The following RALYL variants were observed in gnomAD, a reference collection of about 807,000 sequenced individuals.
RALYL encodes the protein RNA-binding Raly-like protein.
Under a neutral mutation model 35.1 loss-of-function variants are expected in RALYL, and 29 were observed. The observed-to-expected ratio is 0.83, with a 90% CI of 0.61 to 1.13. The LOEUF is 1.13. RALYL is among the 50% of genes most tolerant of loss of function. RALYL has a pLI of 0.00. For synonymous variants in RALYL, 120 were observed against 127.6 expected (o/e 0.94, Z 0.40); for missense variants, 359 against 360.4 (o/e 1.00, Z 0.03).
At chr8:84,363,782 T>C (rs1457496257) in intron 1 of RALYL, among the ~76,000 whole-genome samples, 3 of 152,152 alleles carry the variant, frequency 2.0e-5, no homozygotes, top group Admixed American at 2.0e-4. Context: ...TTCATCTCCC[T>C]GAACCCTGCA....
chr8:84,425,795 G>A (rs1324498038), intron 1 of RALYL, among the ~76,000 whole-genome samples: 7 of 151,104 alleles, frequency 4.6e-5, no homozygotes, highest in East Asian at 3.9e-4. Context: ...GTGTGTGTGT[G>A]TGTGTGTGTG....
At chr8:84,789,639 C>G (rs1270467808) in intron 3 of RALYL, among the ~76,000 whole-genome samples, 1 of 152,136 alleles carries the variant, frequency 6.6e-6, no homozygotes, top group Non-Finnish European at 1.5e-5. Flanking sequence ...AGGCAGATTA[C>G]TTGAGCCCAG....
intron 1 of RALYL, among the ~76,000 whole-genome samples, chr8:84,351,945 G>A (rs1490730391): frequency 6.7e-6 from 1 of 150,182 alleles, no homozygotes; most frequent in Non-Finnish European, 1.5e-5. Flanking sequence ...AAGGTGACCT[G>A]GAGAGGTTAA....
rs73294938 is a variant in RALYL at position 84,357,434 on chromosome 8, A to G, written c.-23-171865A>G. On this transcript the variant is annotated intron_variant, in intron 1 of 8. Coordinates refer to ENST00000521268, the MANE Select transcript of RALYL (RefSeq NM_173848.7). ...TTACTCTGTAATAATTTCTCATTAT[A>G]TGCCAAGCCCTAAAAGAATCTAATG... 9.1e-3 allele frequency among the ~76,000 whole-genome samples: 1,389 copies of G among 152,132 alleles called. 31 individuals are homozygous for G. Among genetic ancestry groups the G allele is most frequent in the African/African-American group, 0.031 (1,301 of 41,556 alleles).
intron 2 of RALYL, among the ~76,000 whole-genome samples, chr8:84,615,796 C>A (rs1459782544): frequency 3.3e-5 from 4 of 122,344 alleles, no homozygotes; most frequent in Non-Finnish European, 6.6e-5. Context: ...CTTCCTGTGT[C>A]CATGTGATCT....
intron 2 of RALYL, among the ~76,000 whole-genome samples, chr8:84,748,274 A>G (rs1809136119): frequency 1.3e-5 from 2 of 152,016 alleles, no homozygotes; most frequent in African/African-American, 4.8e-5. Flanking sequence ...TGGAATGTTA[A>G]GCACAATTGA....
chr8:84,620,863 T>C (rs1821194243), intron 2 of RALYL, among the ~76,000 whole-genome samples: 1 of 152,144 alleles, frequency 6.6e-6, no homozygotes, highest in South Asian at 2.1e-4. Context: ...GTGTGAGGTG[T>C]CAGTGTGCCC....
intron 3 of RALYL, among the ~76,000 whole-genome samples, chr8:84,778,405 C>T (rs911111044): frequency 6.6e-6 from 1 of 152,092 alleles, no homozygotes; most frequent in Non-Finnish European, 1.5e-5. Context: ...ACATGGTATA[C>T]ATAGAAAATA....
At chr8:84,847,934 C>A (rs746893617) in intron 4 of RALYL, among the ~76,000 whole-genome samples, 1 of 152,146 alleles carries the variant, frequency 6.6e-6, no homozygotes, top group Non-Finnish European at 1.5e-5. Context: ...ATTTTTCACC[C>A]TCTATGTAAG....
chr8:84,290,499 G>C (rs1025027252), intron 1 of RALYL, among the ~76,000 whole-genome samples: 4 of 151,798 alleles, frequency 2.6e-5, no homozygotes, highest in African/African-American at 7.3e-5. Flanking sequence ...GGGCAGGAGT[G>C]GGGGGTCACA....
At position 84,835,972 on chromosome 8, in the gene RALYL, A is replaced by C. The variant is rs984033574; in HGVS notation, c.366-14008A>C. On this transcript the variant is annotated intron_variant, in intron 4 of 8. Coordinates refer to ENST00000521268, the MANE Select transcript of RALYL (RefSeq NM_173848.7). ...CAGAGAAAGGAGCTACATTTTGGAG[A>C]GTGCTGAATGTTGAAGAGATCTGTA... 2.0e-5 allele frequency among the ~76,000 whole-genome samples: 3 copies of C among 152,106 alleles called. No individual in the cohort carries two copies. The South Asian group carries it at 6.2e-4, about 32-fold the overall frequency.
intron 2 of RALYL, among the ~76,000 whole-genome samples, chr8:84,651,635 C>G (rs1346943287): frequency 1.3e-5 from 2 of 151,898 alleles, no homozygotes; most frequent in Non-Finnish European, 2.9e-5. Flanking sequence ...ATTTGATATA[C>G]TTTACAGACT....
At chr8:84,671,896 T>C (rs1430025629) in intron 2 of RALYL, among the ~76,000 whole-genome samples, 3 of 152,244 alleles carry the variant, frequency 2.0e-5, no homozygotes, top group Non-Finnish European at 4.4e-5. Context: ...TGCAGCCAGC[T>C]TGATTTTCTC....
At chr8:84,506,683 T>A (rs998299361) in intron 1 of RALYL, among the ~76,000 whole-genome samples, 1 of 152,148 alleles carries the variant, frequency 6.6e-6, no homozygotes, top group South Asian at 2.1e-4. Flanking sequence ...ATCTAAAATA[T>A]GATAAATTTT....
chr8:84,216,824 G>A (rs1820944731), intron 1 of RALYL, among the ~76,000 whole-genome samples: 1 of 152,056 alleles, frequency 6.6e-6, no homozygotes, highest in Admixed American at 6.6e-5. Context: ...ATGGCCAGTG[G>A]CTACCAAATT....
intron 1 of RALYL, among the ~76,000 whole-genome samples, chr8:84,211,157 CTG>C (rs1266275726): frequency 6.6e-6 from 1 of 152,082 alleles, no homozygotes; most frequent in Non-Finnish European, 1.5e-5. Context: ...TTGCTCATAT[CTG>C]TCATCAAGTG....
At chr8:84,905,019 A>G (rs1290187480) in intron 8 of RALYL, among the ~76,000 whole-genome samples, 1 of 152,186 alleles carries the variant, frequency 6.6e-6, no homozygotes, top group African/African-American at 2.4e-5. Context: ...TGACTATGCA[A>G]TGTTGTACAG....
chr8:84,914,612 T>G (rs573969394), intron 8 of RALYL, among the ~76,000 whole-genome samples: 125 of 152,174 alleles, frequency 8.2e-4, no homozygotes, highest in African/African-American at 2.9e-3. Flanking sequence ...TTAAATAAAA[T>G]TATGTAACTC....
intron 2 of RALYL, among the ~76,000 whole-genome samples, chr8:84,552,358 ATTT>A (rs1167949176): frequency 3.1e-3 from 96 of 30,558 alleles, no homozygotes; most frequent in East Asian, 0.028. Context: ...ATATATATAT[ATTT>A]TTTTTTTTTT....
Sources: gnomAD v4.1 joint callset for allele counts (sites outside exome capture counted in the v4.1 genomes callset) on GRCh38, gnomAD v4.1.1 for gene constraint, MANE v1.5 for transcripts, NCBI Gene and HGNC (gene_info 2026-07-23, HGNC 2026-07-21) for gene names.